Variants in LSG1 observed in about 807,000 individuals in gnomAD.
The protein encoded by LSG1 is large 60S subunit nuclear export GTPase 1, also known as large subunit GTPase 1 homolog.
A neutral mutation model predicts 82.6 loss-of-function variants in LSG1; 55 were observed. That is an observed-to-expected ratio of 0.67 (90% CI 0.54 to 0.83). The LOEUF (loss-of-function observed/expected upper bound fraction) is 0.83, where lower values mean the gene tolerates loss of function less well. Ranked by LOEUF, LSG1 falls within the 40% of genes least tolerant of loss-of-function variation. The pLI, the probability that LSG1 is intolerant of heterozygous loss-of-function variation, is 0.00. For synonymous variants in LSG1, 272 were observed against 282.5 expected, an observed-to-expected ratio of 0.96 and a Z score of 0.37; for missense variants, 809 against 807.9, an observed-to-expected ratio of 1.00 and a Z score of -0.02.
intron 7 of LSG1, 140 bp downstream of exon 7, chr3:194,658,817 T>C (rs1275548967): frequency 1.5e-5 from 12 of 815,208 alleles, no homozygotes; most frequent in Non-Finnish European, 2.2e-5. Context: ...TTTCTATAGG[T>C]CATCCTAATC....
chr3:194,645,851 A>G (rs1210587881), intron 12 of LSG1, among the ~76,000 whole-genome samples: 1 of 152,190 alleles, frequency 6.6e-6, no homozygotes, highest in African/African-American at 2.4e-5. Context: ...AAATATAGAG[A>G]TAGGCATATA....
At chr3:194,653,543 C>T (rs1392642618) in intron 7 of LSG1, among the ~76,000 whole-genome samples, 2 of 151,018 alleles carry the variant, frequency 1.3e-5, no homozygotes, top group Non-Finnish European at 2.9e-5. Flanking sequence ...GAACAGGGGA[C>T]AAGCAAAGTT....
intron 7 of LSG1, among the ~76,000 whole-genome samples, chr3:194,653,814 C>T (rs556110820): frequency 4.6e-5 from 7 of 152,230 alleles, no homozygotes; most frequent in Non-Finnish European, 7.4e-5. Context: ...GTGGGAGGAT[C>T]GCTCAAGGCC....
chr3:194,662,270 G>A (rs973826915), intron 5 of LSG1, among the ~76,000 whole-genome samples: 2 of 152,208 alleles, frequency 1.3e-5, no homozygotes, highest in African/African-American at 4.8e-5. Flanking sequence ...AGAAGGCTAG[G>A]GTTTATTATG....
rs1336113976 is a variant in LSG1 at position 194,653,067 on chromosome 3, A to C, written c.835T>G (p.Ser279Ala). ...GGGAGATGTTCGGATTCACTGTGGGAAATTTCAGCCTGGTCGAAACTGGAA... is the reference window on the plus strand; with the variant it reads ...GGGAGATGTTCGGATTCACTGTGGGCAATTTCAGCCTGGTCGAAACTGGAA... ...GHSSFDQAEI[S>A]HSESEHLPAR... The change falls in exon 8 of 14, where the codon TCC (serine) becomes GCC (alanine). Residue 279 changes from serine (S) to alanine (A), a missense_variant. Transcript: ENST00000265245. The C allele has an allele frequency of 6.2e-7, 1 of 1,614,232 alleles. No individual in the cohort carries two copies. Among genetic ancestry groups the C allele is most frequent in the East Asian group, 2.2e-5 (1 of 44,886 alleles).
At chr3:194,645,233 C>T (rs1035026070) in intron 12 of LSG1, 3 of 152,492 alleles carry the variant, frequency 2.0e-5, no homozygotes, top group South Asian at 2.1e-4. Context: ...ATCTTTACAT[C>T]CTCCACAGTA....
chr3:194,648,897 G>A (rs1033523315), intron 10 of LSG1, 93 bp from the exon 11 acceptor site: 17 of 1,276,652 alleles, frequency 1.3e-5, no homozygotes, highest in African/African-American at 4.4e-5. Flanking sequence ...TTCATTCCGC[G>A]TGTGACAAAC....
chr3:194,648,883 G>A, intron 10 of LSG1, 79 bp from the exon 11 acceptor site: 2 of 1,458,506 alleles, frequency 1.4e-6, no homozygotes, highest in African/African-American at 2.8e-5. Flanking sequence ...AAAGAACATG[G>A]CACTTCATTC....
intron 8 of LSG1, among the ~76,000 whole-genome samples, chr3:194,652,199 C>T (rs763089198): frequency 8.5e-5 from 13 of 152,178 alleles, no homozygotes; most frequent in Non-Finnish European, 1.2e-4. Context: ...TCGGGGTTTG[C>T]GCACTTCCGC....
intron 8 of LSG1, among the ~76,000 whole-genome samples, chr3:194,652,002 G>A (rs748446729): frequency 4.6e-5 from 7 of 152,088 alleles, no homozygotes; most frequent in Admixed American, 1.3e-4. Context: ...AGAGAGAAGG[G>A]GGCTCAAAAC....
Position 194,644,784 on chromosome 3 carries a change from G to A in LSG1, c.1624-38C>T. ...CATGAATGACAACAGTGCAGCCTAA[G>A]TGCCATCTGTGGCCTCAGAGGAGAC... On this transcript the variant is annotated intron_variant, in intron 12 of 13. Coordinates refer to ENST00000265245, the MANE Select transcript of LSG1 (RefSeq NM_018385.3). The A allele has an allele frequency of 1.9e-6, 3 of 1,542,524 alleles. No individual in the cohort carries two copies. In the South Asian group the frequency reaches 3.7e-5, roughly 19 times the overall value.
chr3:194,666,730 A>C (rs1005503153), intron 2 of LSG1, among the ~76,000 whole-genome samples, 158 bp from the exon 3 acceptor site: 5 of 152,230 alleles, frequency 3.3e-5, no homozygotes, highest in African/African-American at 1.2e-4. Context: ...ATTATTCCCA[A>C]ATGAAGTTTT....
intron 5 of LSG1, among the ~76,000 whole-genome samples, chr3:194,663,088 C>T (rs1718966343): frequency 1.3e-5 from 2 of 152,184 alleles, no homozygotes; most frequent in South Asian, 4.1e-4. Context: ...GAAAACAAAA[C>T]AAAAACTGTA....
At chr3:194,664,951 A>AT (rs1719002371) in intron 5 of LSG1, among the ~76,000 whole-genome samples, 1 of 145,226 alleles carries the variant, frequency 6.9e-6, no homozygotes, top group Non-Finnish European at 1.5e-5. Context: ...AAATAAATAA[A>AT]AAACATAAAA....
At chr3:194,642,687 T>C (rs763877676) in intron 13 of LSG1, among the ~76,000 whole-genome samples, 4 of 152,242 alleles carry the variant, frequency 2.6e-5, no homozygotes, top group Non-Finnish European at 4.4e-5. Context: ...TGAATTATAT[T>C]AAAATTATGA....
Position 194,642,234 on chromosome 3 carries a change from G to A in LSG1, c.1811C>T (p.Ala604Val). The change falls in exon 14 of 14, where the codon GCT becomes GTT. Residue 604 changes from alanine to valine, a missense_variant. Physicochemically the swap from Ala to Val is moderately conservative, Grantham distance 64. Coordinates refer to ENST00000265245, the MANE Select transcript of LSG1 (RefSeq NM_018385.3). The part of the protein sequence containing the change: ...KTFFHQENVR[A>V]LTKGVQAVMG... ...CACAGCCTGGACTCCTTTGGTCAAA[G>A]CCCTCACATTCTCCTAGGAAATAAG... 1 of 1,612,782 alleles carries A rather than the reference G, an allele frequency of 6.2e-7. No individual in the cohort carries two copies. Among genetic ancestry groups the A allele is most frequent in the Non-Finnish European group, 8.5e-7 (1 of 1,179,578 alleles).
chr3:194,646,523 T>C (rs971131444), intron 11 of LSG1: 1 of 244,542 alleles, frequency 4.1e-6, no homozygotes, highest in Non-Finnish European at 7.9e-6. Flanking sequence ...ATTTTATTTT[T>C]ATTTTATTTT....
rs762801859 is a variant in LSG1 at position 194,665,693 on chromosome 3, T to C, written c.435-50A>G. ...ATATTTGCCAGATTATAATAGACAATTTTTAGCAGTGTAAATGCTCAAATT... is the reference window on the plus strand; with the variant it reads ...ATATTTGCCAGATTATAATAGACAACTTTTAGCAGTGTAAATGCTCAAATT... On this transcript the variant is annotated intron_variant, in intron 4 of 13. Transcript: ENST00000265245. 5 of 1,104,314 alleles carry C rather than the reference T, an allele frequency of 4.5e-6. No individual in the cohort carries two copies. In the South Asian group the frequency reaches 5.3e-5, roughly 12 times the overall value. The allele number at this position is 1,104,314 out of a possible 1,614,324, so 68.4% of individuals were successfully genotyped here.
chr3:194,642,516 A>C (rs1191250904), intron 13 of LSG1, among the ~76,000 whole-genome samples: 2 of 152,094 alleles, frequency 1.3e-5, no homozygotes, highest in Non-Finnish European at 2.9e-5. Flanking sequence ...TGTGTTCTGG[A>C]AATTTGTCTT....
Sources: gnomAD v4.1 joint callset for allele counts (sites outside exome capture counted in the v4.1 genomes callset) on GRCh38, gnomAD v4.1.1 for gene constraint, MANE v1.5 for transcripts, NCBI Gene and HGNC (gene_info 2026-07-23, HGNC 2026-07-21) for gene names.